The following ATXN2L variants were observed in gnomAD, a reference collection of about 807,000 sequenced individuals.
The protein encoded by ATXN2L is ataxin 2 like, also known as ataxin-2-like protein.
ATXN2L carries 24 observed loss-of-function variants against 120.7 expected under a neutral mutation model. The observed-to-expected ratio is 0.20, with a 90% CI of 0.14 to 0.28. The LOEUF (loss-of-function observed/expected upper bound fraction) is 0.28, where lower values mean the gene tolerates loss of function less well. ATXN2L is among the 10% of genes least tolerant of loss of function. ATXN2L has a pLI of 1.00. For missense variants in ATXN2L, 1,312 were observed against 1,432.3 expected, an observed-to-expected ratio of 0.92 and a Z score of 1.36; for synonymous variants, 653 against 568.1, an observed-to-expected ratio of 1.15 and a Z score of -2.13.
chr16:28,833,693 C>T (rs1225345494), intron 15 of ATXN2L, among the ~76,000 whole-genome samples, 185 bp downstream of exon 15: 3 of 138,494 alleles, frequency 2.2e-5, no homozygotes, highest in African/African-American at 7.7e-5. Context: ...GGACTCAGGT[C>T]TCTAGGTTTG....
Position 28,833,285 on chromosome 16 carries a change from C to T in ATXN2L, c.1886C>T (p.Pro629Leu), listed in dbSNP as rs760761182. The change falls in exon 14 of 22, where the codon CCA (proline) becomes CTA (leucine). Residue 629 changes from proline to leucine, a missense_variant. Physicochemically the swap from Pro to Leu is moderately conservative, Grantham distance 98 (BLOSUM62 -3). Coordinates refer to ENST00000336783, the MANE Select transcript of ATXN2L (RefSeq NM_007245.4). ...CCAGAGCAGCCCCCACCACCTTGTC[C>T]AAGCCAAACTGGCAGCCCCCCGGTG... ...EGPEQPPPPC[P>L]SQTGSPPVGL... is the part of the protein sequence containing the mutation. The T allele has an allele frequency of 1.9e-6, 3 of 1,614,044 alleles. No individual in the cohort carries two copies. The highest frequency in any genetic ancestry group is 2.5e-6 in the Non-Finnish European group (3 of 1,180,036).
In ATXN2L at chr16:28,836,739, C is replaced by G. The variant is rs1216791835; in HGVS notation, c.*474C>G. On this transcript the variant is annotated 3_prime_UTR_variant, in exon 22 of 22. Transcript: ENST00000336783. ...TCCCCTCCAACCAGTTCAATCTCAT[C>G]CCTCCCAGCAGCTCCCCTTCCACCC... is the stretch of plus-strand genomic sequence containing the variant. 4 of 1,613,918 alleles carry G rather than the reference C, an allele frequency of 2.5e-6. No individual in the cohort carries two copies. The highest frequency in any genetic ancestry group is 2.7e-5 in the African/African-American group (2 of 74,866).
Position 28,826,360 on chromosome 16 carries a change from C to G in ATXN2L, c.586C>G (p.Arg196Gly). 4 of 1,614,152 alleles carry G rather than the reference C, an allele frequency of 2.5e-6. No homozygotes were observed. Among genetic ancestry groups the G allele is most frequent in the Non-Finnish European group, 3.4e-6 (4 of 1,180,024 alleles). Residue 196 changes from arginine to glycine, a missense_variant, in exon 5 of 22, where the codon CGA (arginine) becomes GGA (glycine). Arg to Gly is a moderately radical substitution (Grantham distance 125, BLOSUM62 -2). Transcript: ENST00000336783. ...KPSDVMLVHF[R>G]NVDFNYATKD... is the part of the protein sequence containing the mutation. The stretch of plus-strand genomic sequence containing the variant: ...AAGTGATGTCATGCTTGTTCACTTC[C>G]GAAATGTTGACTTCAACTATGCTAC...
In ATXN2L at chr16:28,836,348, C is replaced by CT; in HGVS notation, c.*83_*84insT. Reference sequence around the variant, plus strand: ...AAGTATGTAGGGTGGGCAGAAGCCACAGTCGCCGCCGCCAGGGGCTTGCTC... The same window carrying CT: ...AAGTATGTAGGGTGGGCAGAAGCCACTAGTCGCCGCCGCCAGGGGCTTGCTC... On this transcript the variant is annotated 3_prime_UTR_variant, in exon 22 of 22. Coordinates refer to ENST00000336783, the MANE Select transcript of ATXN2L (RefSeq NM_007245.4). 1 of 1,613,270 alleles carries CT rather than the reference C, an allele frequency of 6.2e-7. No individual in the cohort carries two copies. Among genetic ancestry groups the CT allele is most frequent in the Non-Finnish European group, 8.5e-7 (1 of 1,179,720 alleles).
At position 28,834,293 on chromosome 16, in the gene ATXN2L, T is replaced by G. The variant is rs1022800708; in HGVS notation, c.2173-50T>G. ...GTTGAGGGACCAGGTCAGGCCTGTC[T>G]GGGCATTCGTGAGCGAGTCATTCAG... On this transcript the variant is annotated intron_variant, in intron 16 of 21. Coordinates refer to ENST00000336783, the MANE Select transcript of ATXN2L (RefSeq NM_007245.4). 2.5e-6 allele frequency: 4 copies of G among 1,611,860 alleles called. No individual in the cohort carries two copies. In the Admixed American group the frequency reaches 6.7e-5, roughly 27 times the overall value.
intron 15 of ATXN2L, chr16:28,833,852 G>C (rs1051864826): frequency 2.9e-6 from 2 of 684,740 alleles, no homozygotes; most frequent in African/African-American, 3.6e-5. Context: ...TATTTGGAAG[G>C]TTTGTGATCT....
intron 21 of ATXN2L, 79 bp from the exon 22 acceptor site, chr16:28,835,854 A>G: frequency 6.3e-7 from 1 of 1,586,794 alleles, no homozygotes; most frequent in Non-Finnish European, 8.6e-7. Flanking sequence ...CACCCTTGCC[A>G]TAGTGCTCCC....
chr16:28,835,004 G>C (rs1442776943), intron 18 of ATXN2L, 54 bp from the exon 19 acceptor site: 3 of 1,579,672 alleles, frequency 1.9e-6, no homozygotes, highest in Non-Finnish European at 2.6e-6. Flanking sequence ...ACTGGCAGGA[G>C]GACACCTTCC....
chr16:28,825,459 G>A (rs373459118), intron 2 of ATXN2L, 57 bp downstream of exon 2: 1 of 1,584,882 alleles, frequency 6.3e-7, no homozygotes, highest in Non-Finnish European at 8.7e-7. Context: ...TGCATAATGT[G>A]GGAATATAGG....
Position 28,832,634 on chromosome 16 carries a change from G to A in ATXN2L, c.1588+67G>A, listed in dbSNP as rs143400399. ...GTCTGGGGGAGAGTATTTCAGTTAG[G>A]AAGTTTGTTGGAATTCAGAGGCAAA... On this transcript the variant is annotated intron_variant, in intron 12 of 21. Coordinates refer to ENST00000336783, the MANE Select transcript of ATXN2L (RefSeq NM_007245.4). The A allele has an allele frequency of 2.0e-5, 31 of 1,550,204 alleles. No individual in the cohort carries two copies. The East Asian group carries it at 6.7e-4, about 34-fold the overall frequency.
At chr16:28,824,397 C>G in intron 1 of ATXN2L, 1 of 1,272,822 alleles carries the variant, frequency 7.9e-7, no homozygotes, top group Non-Finnish European at 1.0e-6. Flanking sequence ...AGTGCGCAGG[C>G]GCAGACCGGG....
intron 1 of ATXN2L, chr16:28,824,500 CAGCGACG>C: frequency 1.6e-6 from 2 of 1,288,272 alleles, no homozygotes; most frequent in Non-Finnish European, 2.0e-6. Context: ...TTACATCAGC[CAGCGACG>C]AGCAGGGTTA....
In ATXN2L at chr16:28,836,603, G is replaced by T; in HGVS notation, c.*338G>T. 1 of 1,583,810 alleles carries T rather than the reference G, an allele frequency of 6.3e-7. No individual in the cohort carries two copies. Among genetic ancestry groups the T allele is most frequent in the Non-Finnish European group, 8.6e-7 (1 of 1,167,696 alleles). On this transcript the variant is annotated 3_prime_UTR_variant, in exon 22 of 22. Transcript: ENST00000336783. Reference sequence around the variant, plus strand: ...TTGACCTGTGCTTCTGACAGCCCCCGAGACACCTTGAGGAGGCCGCTCCTT... The same window carrying T: ...TTGACCTGTGCTTCTGACAGCCCCCTAGACACCTTGAGGAGGCCGCTCCTT...
At position 28,829,455 on chromosome 16, in the gene ATXN2L, G is replaced by A. The variant is rs1444022810; in HGVS notation, c.796G>A (p.Val266Met). The A allele has an allele frequency of 3.1e-6, 5 of 1,612,760 alleles. No individual in the cohort carries two copies. In the African/African-American group the frequency reaches 6.7e-5, roughly 22 times the overall value. ...CAAGTTCAATGAGGAGAACTACGGT[G>A]TGAAGACTACCTATGATAGCAGTCT... ...MFKFNEENYG[V>M]KTTYDSSLSS... Residue 266 changes from valine (V) to methionine (M), a missense_variant, in exon 7 of 22, where the codon GTG (valine) becomes ATG (methionine). By Grantham distance (21) the Val-to-Met change is conservative (BLOSUM62 1). Transcript: ENST00000336783.
At chr16:28,826,108 G>A (rs958205842) in intron 4 of ATXN2L, 132 bp from the exon 5 acceptor site, 39 of 1,088,874 alleles carry the variant, frequency 3.6e-5, no homozygotes, top group Non-Finnish European at 4.8e-5. Context: ...CAAGCATGTT[G>A]AGGATGTAGT....
At chr16:28,829,688 T>C in intron 7 of ATXN2L, 170 bp from the exon 8 acceptor site, 3 of 780,620 alleles carry the variant, frequency 3.8e-6, no homozygotes, top group Non-Finnish European at 6.3e-6. Flanking sequence ...CATTCCCAGA[T>C]AAGCCTTGGT....
chr16:28,824,350 C>A (rs1005684946), intron 1 of ATXN2L: 76 of 1,203,558 alleles, frequency 6.3e-5, no homozygotes, highest in African/African-American at 2.1e-4. Flanking sequence ...GGGCTCTGAT[C>A]GCTGGAGGTG....
At position 28,826,945 on chromosome 16, in the gene ATXN2L, G is replaced by C; in HGVS notation, c.700G>C (p.Gly234Arg). The C allele has an allele frequency of 6.3e-7, 1 of 1,584,232 alleles. No homozygotes were observed. The highest frequency in any genetic ancestry group is 8.6e-7 in the Non-Finnish European group (1 of 1,161,470). Residue 234 changes from glycine (G) to arginine (R), a missense_variant, in exon 6 of 22, where the codon GGT becomes CGT. Coordinates refer to ENST00000336783, the MANE Select transcript of ATXN2L (RefSeq NM_007245.4). ...KEKVLQRWEGGDSNSDDYDLE... is the reference protein window; with the variant it reads ...KEKVLQRWEGRDSNSDDYDLE... The stretch of plus-strand genomic sequence containing the variant: ...GAAGGTGCTTCAGCGCTGGGAGGGG[G>C]GTGACAGCAACAGCGACGACTATGA...
intron 10 of ATXN2L, among the ~76,000 whole-genome samples, 169 bp downstream of exon 10, chr16:28,831,241 A>T (rs1010226173): frequency 6.8e-6 from 1 of 147,968 alleles, no homozygotes; most frequent in African/African-American, 2.4e-5. Context: ...CTAGTGCAGA[A>T]ATCTCAACCT....
Sources: allele counts gnomAD v4.1 joint callset (sites outside exome capture counted in the v4.1 genomes callset), GRCh38; gene constraint gnomAD v4.1.1; transcripts MANE v1.5; gene names NCBI Gene and HGNC (gene_info 2026-07-23, HGNC 2026-07-21).